Variants in PTPRG observed in about 807,000 individuals in gnomAD.
The protein encoded by PTPRG is protein tyrosine phosphatase receptor type G.
A neutral mutation model predicts 165.3 loss-of-function variants in PTPRG; 102 were observed. That is an observed-to-expected ratio of 0.62 (90% CI 0.53 to 0.73). The LOEUF is 0.73. PTPRG is among the 30% of genes least tolerant of loss of function. PTPRG has a pLI of 0.00. For missense variants in PTPRG, 1,866 were observed against 1,861.4 expected (o/e 1.00, Z -0.05); for synonymous variants, 675 against 669.5 (o/e 1.01, Z -0.13).
chr3:61,733,530 T>A (rs1488409730), intron 1 of PTPRG, among the ~76,000 whole-genome samples: 2 of 152,204 alleles, frequency 1.3e-5, no homozygotes, highest in Non-Finnish European at 2.9e-5. Flanking sequence ...GCACAGTGCC[T>A]CCTGGTACAT....
intron 1 of PTPRG, among the ~76,000 whole-genome samples, chr3:61,683,701 C>T (rs554721679): frequency 6.6e-6 from 1 of 152,334 alleles, no homozygotes; most frequent in African/African-American, 2.4e-5. Context: ...TGAGCTCTCT[C>T]TCGACTTATG....
chr3:62,212,214 C>T (rs916061400), intron 12 of PTPRG, among the ~76,000 whole-genome samples: 1 of 152,062 alleles, frequency 6.6e-6, no homozygotes, highest in Non-Finnish European at 1.5e-5. Flanking sequence ...CTCACATCAC[C>T]CTCTGAGTAG....
intron 14 of PTPRG, among the ~76,000 whole-genome samples, chr3:62,234,568 T>C (rs530487641): frequency 3.3e-5 from 5 of 152,196 alleles, no homozygotes; most frequent in South Asian, 2.1e-4. Flanking sequence ...TAATGTATTA[T>C]CTCTTACTAT....
intron 14 of PTPRG, among the ~76,000 whole-genome samples, chr3:62,238,517 T>C (rs773628999): frequency 6.6e-5 from 10 of 152,156 alleles, no homozygotes; most frequent in Non-Finnish European, 1.5e-4. Context: ...CAGACAAGTA[T>C]AGCAGTCCAC....
At chr3:61,637,443 T>C (rs988896052) in intron 1 of PTPRG, among the ~76,000 whole-genome samples, 4 of 152,176 alleles carry the variant, frequency 2.6e-5, no homozygotes, top group South Asian at 2.1e-4. Context: ...TACACCATCA[T>C]GTGCTGGGCA....
At chr3:61,719,129 G>T (rs1010470074) in intron 1 of PTPRG, among the ~76,000 whole-genome samples, 3 of 152,158 alleles carry the variant, frequency 2.0e-5, no homozygotes, top group Non-Finnish European at 4.4e-5. Context: ...CCAGACATGA[G>T]ACATTGTATT....
intron 1 of PTPRG, among the ~76,000 whole-genome samples, chr3:61,657,798 G>A (rs1465495923): frequency 6.6e-6 from 1 of 152,216 alleles, no homozygotes; most frequent in Non-Finnish European, 1.5e-5. Flanking sequence ...AGTGGGAGCT[G>A]TTCCCATGGC....
At chr3:62,206,912 C>CAAAAAAAAAAAAAAAAAAAAAAAAA (rs556974355) in intron 12 of PTPRG, among the ~76,000 whole-genome samples, 1 of 37,316 alleles carries the variant, frequency 2.7e-5, no homozygotes, top group African/African-American at 7.1e-5. Flanking sequence ...GACTCTGTCT[C>CAAAAAAAAAAAAAAAAAAAAAAAAA]AAAAAAAAAA....
chr3:61,613,704 T>G (rs1486076828), intron 1 of PTPRG, among the ~76,000 whole-genome samples: 1 of 151,638 alleles, frequency 6.6e-6, no homozygotes, highest in East Asian at 1.9e-4. Context: ...GATGGTGTAG[T>G]CTCAAAAACC....
At chr3:61,618,399 T>G (rs910697411) in intron 1 of PTPRG, among the ~76,000 whole-genome samples, 1 of 152,194 alleles carries the variant, frequency 6.6e-6, no homozygotes, top group East Asian at 1.9e-4. Context: ...CACATTTGAA[T>G]TGTGAATTCA....
intron 1 of PTPRG, among the ~76,000 whole-genome samples, chr3:61,594,411 AAAG>A (rs1378898880): frequency 6.6e-6 from 1 of 151,870 alleles, no homozygotes; most frequent in African/African-American, 2.4e-5. Flanking sequence ...AGGCTCAAGG[AAAG>A]TAGGTCAGGC....
At chr3:62,275,769 TG>T in intron 23 of PTPRG, 103 bp from the exon 24 acceptor site, 1 of 788,032 alleles carries the variant, frequency 1.3e-6, no homozygotes, top group Non-Finnish European at 2.0e-6. Flanking sequence ...GGCACAGAAA[TG>T]GTCTTGTTTA....
At chr3:61,713,162 A>ATT (rs1225788176) in intron 1 of PTPRG, among the ~76,000 whole-genome samples, 83 of 144,066 alleles carry the variant, frequency 5.8e-4, no homozygotes, top group African/African-American at 2.0e-3. Flanking sequence ...AACATCAAAT[A>ATT]TGTTTTTTTT....
intron 2 of PTPRG, among the ~76,000 whole-genome samples, chr3:61,944,201 A>G (rs546487635): frequency 5.3e-5 from 8 of 152,250 alleles, no homozygotes; most frequent in African/African-American, 1.7e-4. Context: ...GACACCTCCC[A>G]TTTGTGACAA....
Position 62,257,648 on chromosome 3 carries a change from A to G in PTPRG, c.2559+2433A>G, listed in dbSNP as rs141449432. 5.0e-3 allele frequency among the ~76,000 whole-genome samples: 757 copies of G among 152,294 alleles called. 2 individuals carry two copies. The highest frequency in any genetic ancestry group is 7.8e-3 in the Non-Finnish European group (531 of 68,020). ...CACATGGTTCACCTTGACACCATCC[A>G]GACTCTCATTAAAGTAGTGTCCTGG... is the stretch of plus-strand genomic sequence containing the variant. On this transcript the variant is annotated intron_variant, in intron 16 of 29. Transcript: ENST00000474889.
At chr3:61,908,121 T>TAAAA (rs1183592777) in intron 2 of PTPRG, among the ~76,000 whole-genome samples, 8 of 67,184 alleles carry the variant, frequency 1.2e-4, no homozygotes, top group East Asian at 4.7e-4. Flanking sequence ...CACCTCTCTT[T>TAAAA]AAAAAAAAAA....
intron 1 of PTPRG, among the ~76,000 whole-genome samples, chr3:61,700,161 G>A (rs868186383): frequency 2.6e-5 from 4 of 152,120 alleles, no homozygotes; most frequent in Non-Finnish European, 4.4e-5. Flanking sequence ...CCTAAGGATT[G>A]CCATATGCTG....
chr3:62,161,901 A>G (rs1461894265), intron 7 of PTPRG, among the ~76,000 whole-genome samples: 9 of 152,216 alleles, frequency 5.9e-5, no homozygotes. Flanking sequence ...TGAAGCTAAA[A>G]TAATCTCCAT....
At chr3:62,150,500 C>T (rs1176093106) in intron 6 of PTPRG, among the ~76,000 whole-genome samples, 1 of 152,198 alleles carries the variant, frequency 6.6e-6, no homozygotes, top group African/African-American at 2.4e-5. Flanking sequence ...GATTTGCCTG[C>T]ACATTGAAGT....
Sources: allele counts gnomAD v4.1 joint callset (sites outside exome capture counted in the v4.1 genomes callset), GRCh38; gene constraint gnomAD v4.1.1; transcripts MANE v1.5; gene names NCBI Gene and HGNC (gene_info 2026-07-23, HGNC 2026-07-21).